Variants in DLGAP1 observed in about 807,000 individuals in gnomAD.
DLGAP1 encodes DLG associated protein 1.
Under a neutral mutation model 90.8 loss-of-function variants are expected in DLGAP1, and 11 were observed. That is an observed-to-expected ratio of 0.12 (90% CI 0.08 to 0.20). DLGAP1 has a LOEUF of 0.20. Among genes scored for constraint, DLGAP1 ranks in the 10% least tolerant of loss-of-function variants. The pLI is 1.00. For synonymous variants in DLGAP1, 558 were observed against 540.7 expected, an observed-to-expected ratio of 1.03 and a Z score of -0.44; for missense variants, 1,050 against 1,333.8, an observed-to-expected ratio of 0.79 and a Z score of 3.31.
intron 2 of DLGAP1, among the ~76,000 whole-genome samples, chr18:4,083,312 G>T (rs1356097884): frequency 6.6e-6 from 1 of 152,094 alleles, no homozygotes; most frequent in African/African-American, 2.4e-5. Context: ...TTACATTAGG[G>T]ACAAAGCACT....
At chr18:3,865,313 A>G (rs1390252352) in intron 4 of DLGAP1, among the ~76,000 whole-genome samples, 1 of 152,216 alleles carries the variant, frequency 6.6e-6, no homozygotes, top group Non-Finnish European at 1.5e-5. Context: ...GGTCAGTAGT[A>G]TTGTTTCTTG....
intron 7 of DLGAP1, among the ~76,000 whole-genome samples, chr18:3,720,888 C>CCAAAA (rs1441095000): frequency 4.4e-4 from 22 of 50,308 alleles, no homozygotes; most frequent in African/African-American, 1.7e-3. Flanking sequence ...CTTGTCTCTA[C>CCAAAA]AAAAAAAAAA....
intron 2 of DLGAP1, among the ~76,000 whole-genome samples, chr18:4,045,430 TAC>T (rs1568367303): frequency 4.2e-4 from 7 of 16,594 alleles, no homozygotes; most frequent in African/African-American, 1.6e-3. Flanking sequence ...ACCCCATCTC[TAC>T]AAAAAAAAAA....
intron 3 of DLGAP1, among the ~76,000 whole-genome samples, chr18:3,948,078 C>T (rs1204668196): frequency 2.0e-5 from 3 of 152,182 alleles, no homozygotes; most frequent in Non-Finnish European, 4.4e-5. Context: ...CACTCCCATA[C>T]ATCCAATCTG....
At chr18:3,929,223 G>A (rs1023297105) in intron 3 of DLGAP1, among the ~76,000 whole-genome samples, 15 of 152,178 alleles carry the variant, frequency 9.9e-5, no homozygotes, top group African/African-American at 3.6e-4. Context: ...TTAGATAGAA[G>A]AAACTTAAGA....
chr18:3,499,737 G>A lies in DLGAP1; in HGVS notation c.2725-343C>T, dbSNP rs1235355587. 6.6e-6 allele frequency among the ~76,000 whole-genome samples: 1 copy of A among 152,082 alleles called. No individual in the cohort carries two copies. Among genetic ancestry groups the A allele is most frequent in the African/African-American group, 2.4e-5 (1 of 41,410 alleles). On this transcript the variant is annotated intron_variant, in intron 12 of 12. Transcript: ENST00000315677. This position sits in a 1 kb window ranked among gnomAD's most constrained non-coding sequence, Gnocchi z 6.4. Reference sequence around the variant, plus strand: ...CTCTGGAGACTCCAGACTCCTCCTGGTGCCAGAGATGGGCCAGGAAGCAGC... The same window carrying A: ...CTCTGGAGACTCCAGACTCCTCCTGATGCCAGAGATGGGCCAGGAAGCAGC...
At chr18:3,978,289 C>G (rs770834631) in intron 3 of DLGAP1, 2 of 401,040 alleles carry the variant, frequency 5.0e-6, no homozygotes, top group Non-Finnish European at 9.7e-6. Context: ...GCAAGTGAGC[C>G]TCAGCCTTCT....
At chr18:4,139,341 G>C (rs948310799) in intron 2 of DLGAP1, among the ~76,000 whole-genome samples, 4 of 151,752 alleles carry the variant, frequency 2.6e-5, no homozygotes. Flanking sequence ...TTTGTTTCAC[G>C]ACATATTTAA....
chr18:3,656,961 T>G (rs1489906084), intron 7 of DLGAP1, among the ~76,000 whole-genome samples: 1 of 152,030 alleles, frequency 6.6e-6, no homozygotes, highest in Admixed American at 6.6e-5. Flanking sequence ...TTAGTCAGGA[T>G]GGTCTCGATC....
At chr18:3,882,212 CT>C (rs1351180519) in intron 3 of DLGAP1, among the ~76,000 whole-genome samples, 1 of 152,084 alleles carries the variant, frequency 6.6e-6, no homozygotes, top group East Asian at 1.9e-4. Context: ...TCATATATCT[CT>C]TCTTCCTAGT....
At chr18:4,274,490 T>C (rs1196113680) in intron 1 of DLGAP1, among the ~76,000 whole-genome samples, 1 of 152,224 alleles carries the variant, frequency 6.6e-6, no homozygotes, top group Non-Finnish European at 1.5e-5. Flanking sequence ...GAGAATTTAC[T>C]CAATATCTTT....
intron 4 of DLGAP1, among the ~76,000 whole-genome samples, chr18:3,826,320 A>G (rs1252988870): frequency 2.6e-5 from 4 of 152,248 alleles, no homozygotes; most frequent in African/African-American, 9.6e-5. Context: ...AAGGACAGAC[A>G]CTAATAAAAT....
At chr18:4,144,204 C>G (rs1212525774) in intron 2 of DLGAP1, among the ~76,000 whole-genome samples, 1 of 152,170 alleles carries the variant, frequency 6.6e-6, no homozygotes, top group Non-Finnish European at 1.5e-5. Context: ...TCCTTGTGGC[C>G]TAGACTAGCA....
chr18:3,543,665 C>T, intron 9 of DLGAP1, among the ~76,000 whole-genome samples: 1 of 152,132 alleles, frequency 6.6e-6, no homozygotes, highest in Non-Finnish European at 1.5e-5. Flanking sequence ...ATATATGAAA[C>T]AACTGTTTCC....
chr18:3,743,118 T>C (rs1213386218), intron 5 of DLGAP1, among the ~76,000 whole-genome samples: 1 of 152,076 alleles, frequency 6.6e-6, no homozygotes, highest in Non-Finnish European at 1.5e-5. Context: ...TTTGTATTCT[T>C]TGGATTTATT....
At chr18:3,761,635 G>GGA (rs1486468056) in intron 5 of DLGAP1, among the ~76,000 whole-genome samples, 1 of 151,582 alleles carries the variant, frequency 6.6e-6, no homozygotes, top group African/African-American at 2.4e-5. Flanking sequence ...GAGTGCAGTG[G>GGA]CGTGATCTAG....
chr18:4,381,897 C>A (rs1042151391), intron 1 of DLGAP1, among the ~76,000 whole-genome samples: 1 of 152,114 alleles, frequency 6.6e-6, no homozygotes, highest in Non-Finnish European at 1.5e-5. Flanking sequence ...GGGGAGGCCT[C>A]ACAATTATGG....
intron 7 of DLGAP1, among the ~76,000 whole-genome samples, chr18:3,601,332 C>G (rs1330538954): frequency 6.6e-6 from 1 of 151,960 alleles, no homozygotes; most frequent in Non-Finnish European, 1.5e-5. Flanking sequence ...GCAATCCACC[C>G]GCCTCGGCCT....
At chr18:4,331,173 C>T (rs1040975053) in intron 1 of DLGAP1, among the ~76,000 whole-genome samples, 1 of 151,822 alleles carries the variant, frequency 6.6e-6, no homozygotes, top group Non-Finnish European at 1.5e-5. Context: ...CTTTTGATTA[C>T]TGCTTGTGTG....
Sources: allele counts gnomAD v4.1 joint callset (sites outside exome capture counted in the v4.1 genomes callset), GRCh38; gene constraint gnomAD v4.1.1; non-coding constraint Gnocchi (gnomAD v3.1); transcripts MANE v1.5; gene names NCBI Gene and HGNC (gene_info 2026-07-23, HGNC 2026-07-21).